FRAS1: variants seen among roughly 807,000 people sequenced by gnomAD.
FRAS1 encodes the protein extracellular matrix organizing protein FRAS1.
In FRAS1, 290 loss-of-function variants were observed where a neutral mutation model predicts 435.2. That is an observed-to-expected ratio of 0.67 (90% CI 0.61 to 0.73). The LOEUF (loss-of-function observed/expected upper bound fraction) is 0.73, where lower values mean the gene tolerates loss of function less well. Ranked by LOEUF, FRAS1 falls within the 30% of genes least tolerant of loss-of-function variation. The pLI, the probability that FRAS1 is intolerant of heterozygous loss-of-function variation, is 0.00. For synonymous variants in FRAS1, 1,800 were observed against 1,851.0 expected, an observed-to-expected ratio of 0.97 and a Z score of 0.71; for missense variants, 4,860 against 5,001.5, an observed-to-expected ratio of 0.97 and a Z score of 0.85.
chr4:78,114,222 G>A (rs991876442), intron 2 of FRAS1, among the ~76,000 whole-genome samples: 2 of 152,104 alleles, frequency 1.3e-5, no homozygotes, highest in Admixed American at 6.6e-5. Context: ...TGCTGTTTTG[G>A]TTACTGTAGC....
At chr4:78,536,843 T>C (rs1721898686) in intron 71 of FRAS1, among the ~76,000 whole-genome samples, 152 bp from the exon 72 acceptor site, 1 of 152,188 alleles carries the variant, frequency 6.6e-6, no homozygotes, top group African/African-American at 2.4e-5. Flanking sequence ...AATAAATGAA[T>C]GAGTATTTTA....
chr4:78,271,684 T>C (rs1195889337), intron 9 of FRAS1, among the ~76,000 whole-genome samples: 2 of 152,220 alleles, frequency 1.3e-5, no homozygotes, highest in Admixed American at 6.5e-5. Context: ...ATGGTGTATA[T>C]GTGCCACATT....
At chr4:78,329,998 G>C (rs1402937026) in intron 18 of FRAS1, among the ~76,000 whole-genome samples, 2 of 152,080 alleles carry the variant, frequency 1.3e-5, no homozygotes. Flanking sequence ...TGTCAAAATT[G>C]AGAGAATGAA....
At position 78,363,702 on chromosome 4, in the gene FRAS1, C is replaced by T. The variant is rs748593371; in HGVS notation, c.2575+37C>T. On this transcript the variant is annotated intron_variant, in intron 21 of 73. Coordinates refer to ENST00000512123, the MANE Select transcript of FRAS1 (RefSeq NM_025074.7). ...CTGGACTCAGGAGCTGGAGCTGCCA[C>T]CTGAGGTTCTCTTGGGGCAGTAGCT... 5 of 1,556,438 alleles carry T rather than the reference C, an allele frequency of 3.2e-6. No individual in the cohort carries two copies. The Admixed American group carries it at 7.7e-5, about 24-fold the overall frequency.
At chr4:78,453,796 CAA>C (rs10594388) in intron 47 of FRAS1, among the ~76,000 whole-genome samples, 110,039 of 150,802 alleles carry the variant, frequency 0.73, 40,289 homozygotes, top group African/African-American at 0.75. Context: ...GACCCTATCT[CAA>C]AAAAAAAAGA....
chr4:78,340,064 A>G (rs1242815914), intron 20 of FRAS1, among the ~76,000 whole-genome samples: 1 of 152,240 alleles, frequency 6.6e-6, no homozygotes, highest in Non-Finnish European at 1.5e-5. Flanking sequence ...TTAATTTTTA[A>G]TGAGCTCTGT....
chr4:78,119,269 T>A (rs192190889), intron 2 of FRAS1, among the ~76,000 whole-genome samples: 1 of 152,296 alleles, frequency 6.6e-6, no homozygotes, highest in Admixed American at 6.5e-5. Context: ...TGATAGAGCA[T>A]GCTAGAGCTT....
chr4:78,386,224 C>T (rs1357303309), intron 28 of FRAS1, among the ~76,000 whole-genome samples: 1 of 152,108 alleles, frequency 6.6e-6, no homozygotes, highest in African/African-American at 2.4e-5. Flanking sequence ...TTTAGAAAAT[C>T]ATTTTAACTT....
In FRAS1 at chr4:78,266,798, T is replaced by C. The variant is rs143576958; in HGVS notation, c.688-36T>C. On this transcript the variant is annotated intron_variant, in intron 7 of 73. Coordinates refer to ENST00000512123, the MANE Select transcript of FRAS1 (RefSeq NM_025074.7). ...GCTTCTATTTGATGTATGGGACATT[T>C]GATTTTCCATGTTCTTCTTTCCTGT... is the stretch of plus-strand genomic sequence containing the variant. The C allele has an allele frequency of 3.1e-4, 465 of 1,499,364 alleles. 1 individual carries two copies. In the East Asian group the frequency reaches 3.4e-3, roughly 11 times the overall value. The allele number at this position is 1,499,364 out of a possible 1,614,324, so 92.9% of individuals were successfully genotyped here. A position where few individuals can be genotyped will look rare whatever the true frequency, so the allele number is the denominator to read the frequency against.
At chr4:78,103,881 A>C (rs1056491745) in intron 2 of FRAS1, among the ~76,000 whole-genome samples, 4 of 152,236 alleles carry the variant, frequency 2.6e-5, no homozygotes, top group African/African-American at 9.6e-5. Context: ...TAAATGGACT[A>C]CGACACAGTT....
chr4:78,082,763 T>A (rs889695586), intron 2 of FRAS1, among the ~76,000 whole-genome samples: 3 of 147,258 alleles, frequency 2.0e-5, no homozygotes, highest in African/African-American at 7.4e-5. Flanking sequence ...AATTAATTGA[T>A]CCTTAAAAAT....
In FRAS1 at chr4:78,151,763, C is replaced by T. The variant is rs1720674907; in HGVS notation, c.108+85747C>T. On this transcript the variant is annotated intron_variant, in intron 2 of 73. Transcript: ENST00000512123. Reference sequence around the variant, plus strand: ...AAAAAGCATTCGGTTGCAATTCTCTCATAATAGAGAATGTCAAGAGATCGG... The same window carrying T: ...AAAAAGCATTCGGTTGCAATTCTCTTATAATAGAGAATGTCAAGAGATCGG... Among the ~76,000 whole-genome samples the T allele has an allele frequency of 2.6e-5, 4 of 152,316 alleles. No homozygotes were observed. In the South Asian group the frequency reaches 8.3e-4, roughly 32 times the overall value.
chr4:78,543,943 A>G lies in FRAS1; in HGVS notation c.*2819A>G, dbSNP rs1722131385. 1 of 88,862 alleles carries G rather than the reference A, an allele frequency of 1.1e-5. No individual in the cohort carries two copies. The highest frequency in any genetic ancestry group is 4.0e-4 in the South Asian group (1 of 2,494). 5.5% of individuals were successfully genotyped at this position (88,862 alleles called of 1,614,324 possible). A position where few individuals can be genotyped will look rare whatever the true frequency, so the allele number is the denominator to read the frequency against. On this transcript the variant is annotated 3_prime_UTR_variant, in exon 74 of 74. Coordinates refer to ENST00000512123, the MANE Select transcript of FRAS1 (RefSeq NM_025074.7). ...AAGGTTAAAAGAAAGAATGGTCTGT[A>G]CCATTCTGCTTTGCTGCCCTTTTAT...
intron 18 of FRAS1, among the ~76,000 whole-genome samples, chr4:78,324,027 C>T (rs1729619106): frequency 6.6e-6 from 1 of 152,016 alleles, no homozygotes; most frequent in African/African-American, 2.4e-5. Context: ...ATCCCTGGAC[C>T]ACAGTTTGGA....
intron 15 of FRAS1, among the ~76,000 whole-genome samples, chr4:78,311,525 G>A (rs1729022553): frequency 6.6e-6 from 1 of 152,128 alleles, no homozygotes; most frequent in African/African-American, 2.4e-5. Flanking sequence ...AGAGCACCAG[G>A]GAACAGCCTC....
chr4:78,095,094 A>G (rs1422397010), intron 2 of FRAS1, among the ~76,000 whole-genome samples: 1 of 152,220 alleles, frequency 6.6e-6, no homozygotes, highest in Non-Finnish European at 1.5e-5. Flanking sequence ...AAGCAATGTA[A>G]TATCAGTAAA....
At chr4:78,395,499 C>T (rs1732621537) in intron 29 of FRAS1, among the ~76,000 whole-genome samples, 1 of 151,668 alleles carries the variant, frequency 6.6e-6, no homozygotes, top group East Asian at 1.9e-4. Flanking sequence ...TTTATTTCTC[C>T]CTTCAGTTCT....
In FRAS1 at chr4:78,429,139, C is replaced by G; in HGVS notation, c.4756C>G (p.His1586Asp). The change falls in exon 36 of 74, where the codon CAC becomes GAC. Residue 1586 changes from histidine to aspartate, a missense_variant. By Grantham distance (81) the His-to-Asp change is moderately conservative. Coordinates refer to ENST00000512123, the MANE Select transcript of FRAS1 (RefSeq NM_025074.7). ...HTSPEMVLTI[H>D]LLPSDQQLPV... Reference sequence around the variant, plus strand: ...AAGTCCGGAGATGGTCCTCACCATTCACTTACTTCCCAGTGATCAGCAACT... The same window carrying G: ...AAGTCCGGAGATGGTCCTCACCATTGACTTACTTCCCAGTGATCAGCAACT... 6.3e-7 allele frequency: 1 copy of G among 1,579,504 alleles called. No individual in the cohort carries two copies. The highest frequency in any genetic ancestry group is 8.6e-7 in the Non-Finnish European group (1 of 1,162,482).
chr4:78,435,332 G>A (rs897448312), intron 38 of FRAS1, among the ~76,000 whole-genome samples: 4 of 152,092 alleles, frequency 2.6e-5, no homozygotes, highest in Non-Finnish European at 4.4e-5. Context: ...AGGGCAAGGG[G>A]ATTTACCTTA....
Sources: allele counts gnomAD v4.1 joint callset (sites outside exome capture counted in the v4.1 genomes callset), GRCh38; gene constraint gnomAD v4.1.1; transcripts MANE v1.5; gene names NCBI Gene and HGNC (gene_info 2026-07-23, HGNC 2026-07-21).